Variants in TCF7L1 observed in about 807,000 individuals in gnomAD.
The protein encoded by TCF7L1 is transcription factor 7 like 1.
A neutral mutation model predicts 63.7 loss-of-function variants in TCF7L1; 18 were observed. That is an observed-to-expected ratio of 0.28 (90% CI 0.20 to 0.42). The LOEUF (loss-of-function observed/expected upper bound fraction) is 0.42, where lower values mean the gene tolerates loss of function less well. TCF7L1 is among the 10% of genes least tolerant of loss of function. The pLI is 1.00. For missense variants in TCF7L1, 654 were observed against 779.3 expected (o/e 0.84, Z 1.91); for synonymous variants, 355 against 340.9 (o/e 1.04, Z -0.46).
intron 3 of TCF7L1, among the ~76,000 whole-genome samples, chr2:85,174,912 A>G (rs995699673): frequency 5.9e-5 from 9 of 152,186 alleles, no homozygotes; most frequent in African/African-American, 2.2e-4. Flanking sequence ...CCAGCTCCTC[A>G]GGCCTTTTTG....
At chr2:85,140,898 A>G (rs902161934) in intron 3 of TCF7L1, among the ~76,000 whole-genome samples, 1 of 94,976 alleles carries the variant, frequency 1.1e-5, no homozygotes, top group African/African-American at 4.4e-5. Flanking sequence ...AATAAGAGCG[A>G]AAGAGAGAGA....
At chr2:85,251,563 GCTGTTTAC>G (rs762652166) in intron 3 of TCF7L1, among the ~76,000 whole-genome samples, 8 of 152,178 alleles carry the variant, frequency 5.3e-5, no homozygotes, top group Non-Finnish European at 1.0e-4. Context: ...CCCGCTTGAG[GCTGTTTAC>G]CTCTTCAGGA....
chr2:85,251,757 A>G (rs967995417), intron 3 of TCF7L1, among the ~76,000 whole-genome samples: 10 of 152,232 alleles, frequency 6.6e-5, no homozygotes, highest in African/African-American at 2.4e-4. Flanking sequence ...ACAGTTTCCC[A>G]TTCAAATTCC....
At position 85,309,101 on chromosome 2, in the gene TCF7L1, C is replaced by T. The variant is rs1682212474; in HGVS notation, c.1406C>T (p.Ala469Val). The part of the protein sequence containing the change: ...LPPEKPCDSP[A>V]SSHGSMLDSP... ...CCCGAGAAGCCCTGTGACAGCCCTGCCTCCTCCCACGGGAGCATGCTGGAC... is the reference window on the plus strand; with the variant it reads ...CCCGAGAAGCCCTGTGACAGCCCTGTCTCCTCCCACGGGAGCATGCTGGAC... The change falls in exon 12 of 12, where the codon GCC (alanine) becomes GTC (valine). Residue 469 changes from alanine (A) to valine (V), a missense_variant. By Grantham distance (64) the Ala-to-Val change is moderately conservative. Coordinates refer to ENST00000282111, the MANE Select transcript of TCF7L1 (RefSeq NM_031283.3). The T allele has an allele frequency of 1.2e-6, 2 of 1,613,738 alleles. No individual in the cohort carries two copies. Among genetic ancestry groups the T allele is most frequent in the East Asian group, 2.2e-5 (1 of 44,892 alleles).
intron 3 of TCF7L1, among the ~76,000 whole-genome samples, chr2:85,224,858 C>T (rs1435301750): frequency 1.3e-5 from 2 of 152,134 alleles, no homozygotes; most frequent in East Asian, 1.9e-4. Context: ...TTTGCCCATG[C>T]CTATGTCCTG....
At chr2:85,241,222 C>G (rs1680312280) in intron 3 of TCF7L1, among the ~76,000 whole-genome samples, 1 of 152,056 alleles carries the variant, frequency 6.6e-6, no homozygotes, top group South Asian at 2.1e-4. Context: ...GCAGTTTTTG[C>G]TCTCTTTCTT....
At chr2:85,178,960 G>A (rs1461099816) in intron 3 of TCF7L1, among the ~76,000 whole-genome samples, 1 of 152,166 alleles carries the variant, frequency 6.6e-6, no homozygotes, top group Non-Finnish European at 1.5e-5. Context: ...GGAAGAAAGG[G>A]GCTGGTTAAC....
chr2:85,214,586 G>A (rs992854426), intron 3 of TCF7L1, among the ~76,000 whole-genome samples: 1 of 152,170 alleles, frequency 6.6e-6, no homozygotes, highest in East Asian at 1.9e-4. Context: ...AGTTACCTTG[G>A]GGGCAGAGGA....
rs931513752 is a variant in TCF7L1 at position 85,135,201 on chromosome 2, G to A, written c.441+751G>A. 3.3e-5 allele frequency among the ~76,000 whole-genome samples: 5 copies of A among 152,190 alleles called. 1 individual carries two copies. The highest frequency in any genetic ancestry group is 1.2e-4 in the African/African-American group (5 of 41,446). On this transcript the variant is annotated intron_variant, in intron 3 of 11. Coordinates refer to ENST00000282111, the MANE Select transcript of TCF7L1 (RefSeq NM_031283.3). ...CCCAGACGACGTGCAAATGAGGGCGGATTCCTTCGCCCCCTCTCTCTGGCT... is the reference window on the plus strand; with the variant it reads ...CCCAGACGACGTGCAAATGAGGGCGAATTCCTTCGCCCCCTCTCTCTGGCT...
At chr2:85,305,909 C>G (rs536822030) in intron 8 of TCF7L1, among the ~76,000 whole-genome samples, 2 of 152,134 alleles carry the variant, frequency 1.3e-5, no homozygotes, top group Non-Finnish European at 2.9e-5. Context: ...CTGTCACCGC[C>G]GCCAGCACCT....
intron 3 of TCF7L1, among the ~76,000 whole-genome samples, chr2:85,194,310 C>G (rs1303972627): frequency 6.6e-6 from 1 of 152,124 alleles, no homozygotes; most frequent in Non-Finnish European, 1.5e-5. Flanking sequence ...GGGTGGATTA[C>G]TTGAGGCCAG....
chr2:85,242,767 G>C (rs1277844179), intron 3 of TCF7L1, among the ~76,000 whole-genome samples: 1 of 152,096 alleles, frequency 6.6e-6, no homozygotes, highest in African/African-American at 2.4e-5. Context: ...TCTCTTTGCA[G>C]ATCTCCAGTT....
chr2:85,203,927 G>A (rs936346293), intron 3 of TCF7L1, among the ~76,000 whole-genome samples: 3 of 152,222 alleles, frequency 2.0e-5, no homozygotes, highest in East Asian at 3.9e-4. Context: ...TGAAAAGAAC[G>A]CAAGGGAAAT....
chr2:85,178,131 C>T (rs1678721056), intron 3 of TCF7L1, among the ~76,000 whole-genome samples: 4 of 152,268 alleles, frequency 2.6e-5, no homozygotes, highest in East Asian at 1.9e-4. Context: ...CTACACTACG[C>T]TCCCAGAGAC....
chr2:85,165,201 C>T (rs1379198460), intron 3 of TCF7L1, among the ~76,000 whole-genome samples: 16 of 152,216 alleles, frequency 1.1e-4, no homozygotes, highest in Admixed American at 1.0e-3. Context: ...CTCTAGATTA[C>T]AGTCTTGACC....
chr2:85,193,572 C>T (rs1679086112), intron 3 of TCF7L1, among the ~76,000 whole-genome samples: 1 of 152,168 alleles, frequency 6.6e-6, no homozygotes, highest in African/African-American at 2.4e-5. Flanking sequence ...GGACAGCTGG[C>T]AGCATTTGAA....
intron 3 of TCF7L1, among the ~76,000 whole-genome samples, chr2:85,212,679 T>A (rs1679596356): frequency 6.6e-6 from 1 of 152,150 alleles, no homozygotes; most frequent in African/African-American, 2.4e-5. Flanking sequence ...AGGGTCCTTT[T>A]ATGACTGATG....
chr2:85,256,777 G>A (rs1418387173), intron 3 of TCF7L1, among the ~76,000 whole-genome samples: 1 of 152,092 alleles, frequency 6.6e-6, no homozygotes, highest in East Asian at 1.9e-4. Context: ...GAGGTGTCAG[G>A]AGTTCGAGAC....
intron 3 of TCF7L1, among the ~76,000 whole-genome samples, chr2:85,135,395 C>T (rs532121317): frequency 3.9e-5 from 6 of 152,300 alleles, no homozygotes; most frequent in Admixed American, 3.9e-4. Context: ...CGTGCTGCTG[C>T]TTGGGCGCGA....
Sources: allele counts gnomAD v4.1 joint callset (sites outside exome capture counted in the v4.1 genomes callset), GRCh38; gene constraint gnomAD v4.1.1; transcripts MANE v1.5; gene names NCBI Gene and HGNC (gene_info 2026-07-23, HGNC 2026-07-21).